The following BAZ1B variants were observed in gnomAD, a reference collection of about 807,000 sequenced individuals.
BAZ1B encodes the protein tyrosine-protein kinase BAZ1B.
Under a neutral mutation model 153.8 loss-of-function variants are expected in BAZ1B, and 22 were observed. That is an observed-to-expected ratio of 0.14 (90% CI 0.10 to 0.20). BAZ1B has a LOEUF of 0.20. Among genes scored for constraint, BAZ1B ranks in the 10% least tolerant of loss-of-function variants. BAZ1B has a pLI of 1.00. For synonymous variants in BAZ1B, 676 were observed against 633.4 expected (o/e 1.07, Z -1.01); for missense variants, 1,325 against 1,799.3 (o/e 0.74, Z 4.77).
intron 11 of BAZ1B, 70 bp downstream of exon 11, chr7:73,465,369 A>C (rs1432000258): frequency 2.8e-6 from 3 of 1,077,038 alleles, no homozygotes; most frequent in East Asian, 2.6e-5. Flanking sequence ...ATAAGAAAAA[A>C]AACCCTCAGA....
chr7:73,497,361 A>G (rs917785414), intron 4 of BAZ1B, among the ~76,000 whole-genome samples: 3 of 152,212 alleles, frequency 2.0e-5, no homozygotes. Flanking sequence ...AAATGATTAC[A>G]GTAGTATAGT....
intron 16 of BAZ1B, 86 bp from the exon 17 acceptor site, chr7:73,444,215 G>A: frequency 7.0e-7 from 1 of 1,419,774 alleles, no homozygotes; most frequent in South Asian, 1.5e-5. Flanking sequence ...GATGCAGGGA[G>A]AATCCTTTTC....
chr7:73,456,467 C>G (rs2116260908), intron 13 of BAZ1B, among the ~76,000 whole-genome samples: 1 of 152,166 alleles, frequency 6.6e-6, no homozygotes, highest in East Asian at 1.9e-4. Flanking sequence ...AACAAAAAAT[C>G]CAATTGAAAA....
chr7:73,493,251 G>C (rs974692847), intron 4 of BAZ1B, among the ~76,000 whole-genome samples: 1 of 150,116 alleles, frequency 6.7e-6, no homozygotes, highest in African/African-American at 2.5e-5. Context: ...ACCTGAGGTC[G>C]GGAGTTCGAG....
intron 13 of BAZ1B, among the ~76,000 whole-genome samples, chr7:73,455,707 C>T (rs1244697015): frequency 6.6e-6 from 1 of 152,106 alleles, no homozygotes; most frequent in Non-Finnish European, 1.5e-5. Context: ...TGCCTGAGCC[C>T]AGGAGTTTGA....
chr7:73,502,335 C>T (rs1554577253), intron 3 of BAZ1B, among the ~76,000 whole-genome samples: 2 of 151,834 alleles, frequency 1.3e-5, no homozygotes, highest in Admixed American at 6.6e-5. Flanking sequence ...TTGTGGCACG[C>T]TTCCAATGTC....
At chr7:73,462,830 G>T in intron 12 of BAZ1B, 92 bp downstream of exon 12, 2 of 1,337,804 alleles carry the variant, frequency 1.5e-6, no homozygotes, top group Non-Finnish European at 2.1e-6. Flanking sequence ...ATTTCCAGGA[G>T]GGTCATGTTG....
Position 73,446,306 on chromosome 7 carries a change from C to T in BAZ1B, c.3844+958G>A, listed in dbSNP as rs1048140714. Among the ~76,000 whole-genome samples, 11 of 152,016 alleles carry T rather than the reference C, an allele frequency of 7.2e-5. No individual in the cohort carries two copies. The South Asian group carries it at 2.1e-3, about 29-fold the overall frequency. ...AACCTGTAAAGAAAAGTGTATTGGC[C>T]GGGCATAGTGGCTTATGCCTGTAAT... is the stretch of plus-strand genomic sequence containing the variant. On this transcript the variant is annotated intron_variant, in intron 16 of 19. Coordinates refer to ENST00000339594, the MANE Select transcript of BAZ1B (RefSeq NM_032408.4).
At position 73,521,905 on chromosome 7, in the gene BAZ1B, A is replaced by T; in HGVS notation, c.29T>A (p.Phe10Tyr). Residue 10 changes from phenylalanine to tyrosine, a missense_variant, in exon 1 of 20, where the codon TTC (phenylalanine) becomes TAC (tyrosine). Physicochemically the swap from Phe to Tyr is conservative, Grantham distance 22 (BLOSUM62 3). This residue lies in a region of BAZ1B where 61 missense variants were observed against 61.5 expected (regional missense o/e 0.99). Coordinates refer to ENST00000339594, the MANE Select transcript of BAZ1B (RefSeq NM_032408.4). MAPLLGRKP[F>Y]PLVKPLPGEE... Reference sequence around the variant, plus strand: ...TCCGGGCAACGGCTTCACCAGCGGGAAGGGCTTGCGGCCCAGGAGCGGCGC... The same window carrying T: ...TCCGGGCAACGGCTTCACCAGCGGGTAGGGCTTGCGGCCCAGGAGCGGCGC... 1 of 1,494,940 alleles carries T rather than the reference A, an allele frequency of 6.7e-7. No homozygotes were observed. Among genetic ancestry groups the T allele is most frequent in the South Asian group, 1.2e-5 (1 of 80,724 alleles). 92.6% of individuals were successfully genotyped at this position (1,494,940 alleles called of 1,614,324 possible). A position where few individuals can be genotyped will look rare whatever the true frequency, so the allele number is the denominator to read the frequency against.
chr7:73,470,652 T>C (rs1554571881), intron 7 of BAZ1B, among the ~76,000 whole-genome samples, 169 bp from the exon 8 acceptor site: 2 of 152,158 alleles, frequency 1.3e-5, no homozygotes, highest in Non-Finnish European at 2.9e-5. Flanking sequence ...GGCAGCAACA[T>C]CTAGTCCTCC....
intron 1 of BAZ1B, among the ~76,000 whole-genome samples, chr7:73,512,213 T>C (rs782726815): frequency 6.6e-6 from 1 of 151,990 alleles, no homozygotes; most frequent in Admixed American, 6.6e-5. Context: ...GTCCAACCTT[T>C]GTCCAACCTG....
intron 2 of BAZ1B, among the ~76,000 whole-genome samples, chr7:73,510,143 A>G (rs1790519182): frequency 7.0e-6 from 1 of 142,882 alleles, no homozygotes; most frequent in African/African-American, 2.6e-5. Flanking sequence ...AAAAATAAGA[A>G]TAAGGGCCAG....
At chr7:73,465,606 G>A in intron 10 of BAZ1B, 69 bp from the exon 11 acceptor site, 1 of 1,008,610 alleles carries the variant, frequency 9.9e-7, no homozygotes, top group Non-Finnish European at 1.5e-6. Context: ...CACTAAGCAA[G>A]GGATCTAGAG....
intron 13 of BAZ1B, among the ~76,000 whole-genome samples, chr7:73,451,950 G>A (rs1009206772): frequency 2.6e-5 from 4 of 152,186 alleles, no homozygotes; most frequent in African/African-American, 7.2e-5. Context: ...GAACTGGCAG[G>A]GAATGACTAC....
intron 17 of BAZ1B, 100 bp downstream of exon 17, chr7:73,443,884 G>C: frequency 1.3e-6 from 2 of 1,566,476 alleles, no homozygotes; most frequent in Non-Finnish European, 1.7e-6. Flanking sequence ...AGGAGGAGGG[G>C]GGAGGCTCCC....
intron 6 of BAZ1B, among the ~76,000 whole-genome samples, chr7:73,483,646 T>TC (rs1260750521): frequency 1.7e-4 from 26 of 152,228 alleles, no homozygotes; most frequent in African/African-American, 3.4e-4. Flanking sequence ...CTTTTTTTTT[T>TC]CCTCCACCCA....
chr7:73,445,331 G>T (rs566978469), intron 16 of BAZ1B, among the ~76,000 whole-genome samples: 1 of 152,282 alleles, frequency 6.6e-6, no homozygotes, highest in Admixed American at 6.5e-5. Flanking sequence ...TAGTAAGAAA[G>T]GGTAAGAATC....
At chr7:73,442,974 A>C (rs552883348) in intron 17 of BAZ1B, 146 bp from the exon 18 acceptor site, 2 of 664,314 alleles carry the variant, frequency 3.0e-6, no homozygotes, top group East Asian at 5.6e-5. Flanking sequence ...CTGATATTCA[A>C]GTCAGGGAGC....
At chr7:73,454,996 C>T (rs1788141575) in intron 13 of BAZ1B, among the ~76,000 whole-genome samples, 1 of 152,032 alleles carries the variant, frequency 6.6e-6, no homozygotes, top group African/African-American at 2.4e-5. Context: ...GCTGGGACTA[C>T]AGGCTCGCGC....
Sources: allele counts gnomAD v4.1 joint callset (sites outside exome capture counted in the v4.1 genomes callset), GRCh38; gene constraint gnomAD v4.1.1; regional missense constraint gnomAD v4.1.1; transcripts MANE v1.5; gene names NCBI Gene and HGNC (gene_info 2026-07-23, HGNC 2026-07-21).